Variants in FNDC3B observed in about 807,000 individuals in gnomAD.
FNDC3B encodes fibronectin type III domain-containing protein 3B.
Under a neutral mutation model 151.5 loss-of-function variants are expected in FNDC3B, and 12 were observed. The ratio of observed to expected loss-of-function variants is 0.08; its 90% confidence interval spans 0.05 to 0.13. The LOEUF is 0.13. Ranked by LOEUF, FNDC3B falls within the 10% of genes least tolerant of loss-of-function variation. The probability of loss-of-function intolerance (pLI) is 1.00; values close to 1 mark genes in which losing one functional copy is unlikely to be tolerated. For synonymous variants in FNDC3B, 528 were observed against 549.0 expected, an observed-to-expected ratio of 0.96 and a Z score of 0.54; for missense variants, 1,214 against 1,505.3, an observed-to-expected ratio of 0.81 and a Z score of 3.20.
At chr3:172,064,807 T>C (rs1214630983) in intron 1 of FNDC3B, among the ~76,000 whole-genome samples, 1 of 152,242 alleles carries the variant, frequency 6.6e-6, no homozygotes, top group Non-Finnish European at 1.5e-5. Flanking sequence ...TTGGGAGATT[T>C]GATTTCATTC....
At chr3:172,327,300 A>G (rs1353350654) in intron 11 of FNDC3B, among the ~76,000 whole-genome samples, 1 of 152,100 alleles carries the variant, frequency 6.6e-6, no homozygotes, top group Non-Finnish European at 1.5e-5. Context: ...AGACTGTTAG[A>G]ACTCTCACTC....
chr3:172,254,006 A>T (rs376400484), intron 6 of FNDC3B, among the ~76,000 whole-genome samples: 2 of 152,120 alleles, frequency 1.3e-5, no homozygotes, highest in African/African-American at 4.8e-5. Flanking sequence ...TCTCAAACTC[A>T]TGACCTCAGG....
chr3:172,112,759 A>G (rs1209902292), intron 2 of FNDC3B, among the ~76,000 whole-genome samples, 169 bp downstream of exon 2: 2 of 152,248 alleles, frequency 1.3e-5, no homozygotes, highest in African/African-American at 4.8e-5. Context: ...ATGTGATTTT[A>G]GAGAACAAAA....
At chr3:172,215,050 A>T (rs1219224797) in intron 3 of FNDC3B, among the ~76,000 whole-genome samples, 1 of 152,240 alleles carries the variant, frequency 6.6e-6, no homozygotes, top group Non-Finnish European at 1.5e-5. Context: ...TTTCATTTGT[A>T]ACAGATGAAT....
intron 3 of FNDC3B, among the ~76,000 whole-genome samples, chr3:172,152,191 C>T (rs1373951196): frequency 6.6e-6 from 1 of 152,178 alleles, no homozygotes; most frequent in Admixed American, 6.5e-5. Flanking sequence ...ACAAAAATCG[C>T]TGGTTTTGCA....
chr3:172,160,456 C>A (rs1722710776), intron 3 of FNDC3B, among the ~76,000 whole-genome samples: 1 of 152,208 alleles, frequency 6.6e-6, no homozygotes, highest in South Asian at 2.1e-4. Context: ...AGGGTTTACA[C>A]CCCAACCCTA....
chr3:172,331,927 G>A (rs1242370918), intron 13 of FNDC3B, among the ~76,000 whole-genome samples: 1 of 152,064 alleles, frequency 6.6e-6, no homozygotes, highest in African/African-American at 2.4e-5. Context: ...TACAACTCTC[G>A]AGCACCTGAC....
rs71179981 is a variant in FNDC3B at position 172,239,856 on chromosome 3, C to CTTTTTTTTT, written c.265-7655_265-7647dup. On this transcript the variant is annotated intron_variant, in intron 4 of 25. Coordinates refer to ENST00000415807, the MANE Select transcript of FNDC3B (RefSeq NM_022763.4). ...TGTTTTTAGGAGATCCATTTTAGTT[C>CTTTTTTTTT]TTTTTTTTTTTTTTTTTTTTTTTTT... 2.4e-3 allele frequency among the ~76,000 whole-genome samples: 119 copies of CTTTTTTTTT among 49,930 alleles called. 19 individuals carry two copies. Among genetic ancestry groups the CTTTTTTTTT allele is most frequent in the African/African-American group, 3.3e-3 (44 of 13,322 alleles). The allele number at this position is 49,930 out of a possible 152,430, so 32.8% of individuals were successfully genotyped here. A position where few individuals can be genotyped will look rare whatever the true frequency, so the allele number is the denominator to read the frequency against.
chr3:172,098,850 ATTCT>A (rs1375864349), intron 1 of FNDC3B, among the ~76,000 whole-genome samples: 3 of 152,088 alleles, frequency 2.0e-5, no homozygotes, highest in African/African-American at 7.2e-5. Flanking sequence ...GCCTTGGAAA[ATTCT>A]TTCTGGAATG....
intron 25 of FNDC3B, among the ~76,000 whole-genome samples, chr3:172,386,488 A>T (rs1360153771): frequency 1.3e-5 from 2 of 152,210 alleles, no homozygotes; most frequent in African/African-American, 4.8e-5. Flanking sequence ...TACGCCTGTA[A>T]TCCCAGCCCT....
At chr3:172,248,748 A>G (rs1727916334) in intron 5 of FNDC3B, among the ~76,000 whole-genome samples, 1 of 148,752 alleles carries the variant, frequency 6.7e-6, no homozygotes, top group Admixed American at 6.7e-5. Flanking sequence ...TATATATATA[A>G]TTATTCCCTG....
chr3:172,190,439 C>T (rs954886978), intron 3 of FNDC3B, among the ~76,000 whole-genome samples: 5 of 152,270 alleles, frequency 3.3e-5, no homozygotes, highest in East Asian at 1.9e-4. Context: ...TGCTAGGAAT[C>T]GGATTGCAGC....
chr3:172,336,942 A>G (rs562503630), intron 15 of FNDC3B, among the ~76,000 whole-genome samples: 4 of 152,028 alleles, frequency 2.6e-5, no homozygotes, highest in African/African-American at 9.6e-5. Context: ...CTAGTCACTG[A>G]TAAAATAAGT....
At chr3:172,244,548 G>A (rs1311061457) in intron 4 of FNDC3B, among the ~76,000 whole-genome samples, 1 of 138,830 alleles carries the variant, frequency 7.2e-6, no homozygotes, top group Non-Finnish European at 1.6e-5. Flanking sequence ...TGCAATTTAT[G>A]TTATAGAAAA....
intron 25 of FNDC3B, among the ~76,000 whole-genome samples, chr3:172,384,878 T>C (rs1449567690): frequency 1.3e-5 from 2 of 152,264 alleles, no homozygotes; most frequent in African/African-American, 4.8e-5. Flanking sequence ...ATTTTTCTTA[T>C]TATAAACAGT....
intron 1 of FNDC3B, among the ~76,000 whole-genome samples, chr3:172,085,054 T>G (rs961321827): frequency 6.6e-6 from 1 of 152,192 alleles, no homozygotes; most frequent in Non-Finnish European, 1.5e-5. Context: ...ATGTGGTAAA[T>G]ACGTGGTGCT....
intron 3 of FNDC3B, among the ~76,000 whole-genome samples, chr3:172,143,482 G>GTTA (rs1721731171): frequency 6.6e-6 from 1 of 151,806 alleles, no homozygotes; most frequent in African/African-American, 2.4e-5. Context: ...TTATTTTTGT[G>GTTA]TTATTAACAA....
intron 1 of FNDC3B, among the ~76,000 whole-genome samples, chr3:172,066,951 C>G (rs1717530393): frequency 6.6e-6 from 1 of 152,166 alleles, no homozygotes; most frequent in Non-Finnish European, 1.5e-5. Flanking sequence ...ATACAATACT[C>G]TCTTTTTGAG....
chr3:172,188,059 G>A (rs927082122), intron 3 of FNDC3B, among the ~76,000 whole-genome samples: 5 of 149,254 alleles, frequency 3.3e-5, no homozygotes, highest in East Asian at 3.9e-4. Context: ...GCAATGGCGC[G>A]ATCTCGGCTC....
Sources: allele counts gnomAD v4.1 joint callset (sites outside exome capture counted in the v4.1 genomes callset), GRCh38; gene constraint gnomAD v4.1.1; transcripts MANE v1.5; gene names NCBI Gene and HGNC (gene_info 2026-07-23, HGNC 2026-07-21).